Variants in WWOX observed in about 807,000 individuals in gnomAD.
The protein encoded by WWOX is WW domain containing oxidoreductase, also known as WW domain-containing oxidoreductase.
A neutral mutation model predicts 46.2 loss-of-function variants in WWOX; 69 were observed. The observed-to-expected ratio is 1.49, with a 90% CI of 1.23 to 1.82. The LOEUF (loss-of-function observed/expected upper bound fraction) is 1.82, where lower values mean the gene tolerates loss of function less well. Among genes scored for constraint, WWOX ranks in the 40% most tolerant of loss-of-function variants. The probability of loss-of-function intolerance (pLI) is 0.00; values close to 1 mark genes in which losing one functional copy is unlikely to be tolerated. For synonymous variants in WWOX, 359 were observed against 202.6 expected, an observed-to-expected ratio of 1.77 and a Z score of -6.56; for missense variants, 919 against 542.6, an observed-to-expected ratio of 1.69 and a Z score of -6.89.
intron 8 of WWOX, among the ~76,000 whole-genome samples, chr16:78,434,004 T>G (rs1052766958): frequency 2.6e-5 from 4 of 151,958 alleles, no homozygotes; most frequent in African/African-American, 2.4e-5. Context: ...TTAGCCGGGA[T>G]GGTCTCAATC....
intron 8 of WWOX, among the ~76,000 whole-genome samples, chr16:78,847,924 C>G (rs1383216097): frequency 6.6e-6 from 1 of 152,138 alleles, no homozygotes; most frequent in African/African-American, 2.4e-5. Flanking sequence ...GCTTACAACC[C>G]TGTGACCACT....
At chr16:78,872,680 G>A (rs141802021) in intron 8 of WWOX, 2 of 152,190 alleles carry the variant, frequency 1.3e-5, no homozygotes, top group East Asian at 1.9e-4. Flanking sequence ...CAAAACCATA[G>A]ACAGGCAGTG....
intron 8 of WWOX, chr16:78,981,983 G>T (rs1360215536): frequency 6.6e-6 from 1 of 152,152 alleles, no homozygotes; most frequent in African/African-American, 2.4e-5. Context: ...GAAGGCTCCA[G>T]TGTTTTGACT....
intron 8 of WWOX, among the ~76,000 whole-genome samples, chr16:79,077,163 C>T (rs1324854262): frequency 6.6e-6 from 1 of 152,174 alleles, no homozygotes; most frequent in Non-Finnish European, 1.5e-5. Flanking sequence ...AATCGGAGCT[C>T]TAAAGTACTT....
intron 8 of WWOX, among the ~76,000 whole-genome samples, chr16:78,547,089 C>T (rs1004021997): frequency 7.2e-6 from 1 of 139,282 alleles, no homozygotes; most frequent in South Asian, 2.3e-4. Flanking sequence ...GATCATGCCA[C>T]TGCACTCCAG....
intron 8 of WWOX, among the ~76,000 whole-genome samples, chr16:78,997,889 T>G (rs2047020803): frequency 6.6e-6 from 1 of 152,196 alleles, no homozygotes; most frequent in African/African-American, 2.4e-5. Flanking sequence ...TCTTTCTTTT[T>G]TTTTTAGACA....
chr16:79,148,757 C>A (rs1178219652), intron 8 of WWOX, among the ~76,000 whole-genome samples: 1 of 151,506 alleles, frequency 6.6e-6, no homozygotes, highest in African/African-American at 2.4e-5. Flanking sequence ...GGAGTGTGTA[C>A]CTAAGCATTT....
intron 8 of WWOX, among the ~76,000 whole-genome samples, chr16:78,815,812 C>G (rs2051314620): frequency 6.6e-6 from 1 of 152,196 alleles, no homozygotes; most frequent in Non-Finnish European, 1.5e-5. Context: ...CCTCCTCTTG[C>G]TGCTTGGCTG....
chr16:78,741,453 G>A (rs113422098), intron 8 of WWOX, among the ~76,000 whole-genome samples: 49 of 152,076 alleles, frequency 3.2e-4, no homozygotes, highest in African/African-American at 1.1e-3. Flanking sequence ...ACAGTTACTC[G>A]GGAGGCTGAG....
intron 8 of WWOX, among the ~76,000 whole-genome samples, chr16:78,798,591 GT>G (rs34236291): frequency 0.15 from 14,458 of 98,244 alleles, 817 homozygotes; most frequent in Non-Finnish European, 0.22. Flanking sequence ...TTGTTGTTGG[GT>G]TTTTTTTTTT....
chr16:78,869,127 A>T (rs2044070714), intron 8 of WWOX, among the ~76,000 whole-genome samples: 1 of 152,242 alleles, frequency 6.6e-6, no homozygotes, highest in South Asian at 2.1e-4. Flanking sequence ...AATTTTAAAT[A>T]CACTAGTATA....
intron 8 of WWOX, among the ~76,000 whole-genome samples, chr16:78,975,198 G>A (rs1193491777): frequency 6.6e-5 from 10 of 152,140 alleles, no homozygotes; most frequent in African/African-American, 1.9e-4. Context: ...ACACCTATAC[G>A]AATTAGCCTC....
intron 8 of WWOX, among the ~76,000 whole-genome samples, chr16:78,683,057 G>A (rs1427880824): frequency 6.6e-6 from 1 of 152,140 alleles, no homozygotes; most frequent in Non-Finnish European, 1.5e-5. Context: ...AGGAAGGATC[G>A]TCATTTAGAA....
chr16:78,957,656 C>G (rs1248503880), intron 8 of WWOX, among the ~76,000 whole-genome samples: 1 of 152,186 alleles, frequency 6.6e-6, no homozygotes, highest in East Asian at 1.9e-4. Context: ...GATTCTATCT[C>G]TAAAAACTTA....
At chr16:78,848,178 T>C (rs918989897) in intron 8 of WWOX, among the ~76,000 whole-genome samples, 3 of 151,970 alleles carry the variant, frequency 2.0e-5, no homozygotes, top group South Asian at 4.2e-4. Flanking sequence ...TTTGCAGGGG[T>C]TTAATATCCA....
At chr16:78,632,557 A>ATTTTTTTTTTTTTT (rs545062752) in intron 8 of WWOX, among the ~76,000 whole-genome samples, 1,652 of 74,704 alleles carry the variant, frequency 0.022, 219 homozygotes, top group Non-Finnish European at 0.031. Context: ...TACTTGGCCA[A>ATTTTTTTTTTTTTT]TTTTTTTTTT....
At chr16:79,118,658 A>C (rs1043211266) in intron 8 of WWOX, among the ~76,000 whole-genome samples, 1 of 152,254 alleles carries the variant, frequency 6.6e-6, no homozygotes, top group African/African-American at 2.4e-5. Flanking sequence ...TTTAAAAAGA[A>C]GGAAGAAAAT....
intron 8 of WWOX, among the ~76,000 whole-genome samples, chr16:78,714,090 C>T (rs1004768568): frequency 2.6e-5 from 4 of 152,302 alleles, no homozygotes; most frequent in African/African-American, 4.8e-5. Context: ...CCAAAGCTCT[C>T]TTGTGAAGCC....
chr16:78,479,909 A>G (rs2084446402), intron 8 of WWOX, among the ~76,000 whole-genome samples: 1 of 152,210 alleles, frequency 6.6e-6, no homozygotes, highest in African/African-American at 2.4e-5. Flanking sequence ...CCTGGGAAGG[A>G]GGAACCAATG....
Sources: gnomAD v4.1 joint callset for allele counts (sites outside exome capture counted in the v4.1 genomes callset) on GRCh38, gnomAD v4.1.1 for gene constraint, MANE v1.5 for transcripts, NCBI Gene and HGNC (gene_info 2026-07-23, HGNC 2026-07-21) for gene names.